Variants in PTPRM observed in about 807,000 individuals in gnomAD.
The protein encoded by PTPRM is receptor-type tyrosine-protein phosphatase mu.
PTPRM carries 47 observed loss-of-function variants against 186.7 expected under a neutral mutation model. The ratio of observed to expected loss-of-function variants is 0.25; its 90% confidence interval spans 0.20 to 0.32. The LOEUF is 0.32. Ranked by LOEUF, PTPRM falls within the 10% of genes least tolerant of loss-of-function variation. PTPRM has a pLI of 1.00. For missense variants in PTPRM, 1,494 were observed against 1,865.0 expected, an observed-to-expected ratio of 0.80 and a Z score of 3.66; for synonymous variants, 668 against 674.9, an observed-to-expected ratio of 0.99 and a Z score of 0.16.
intron 32 of PTPRM, 45 bp downstream of exon 32, chr18:8,394,656 A>G (rs1213782378): frequency 1.3e-6 from 2 of 1,513,620 alleles, no homozygotes; most frequent in Non-Finnish European, 1.8e-6. Flanking sequence ...CCCCATTAGC[A>G]TTAGAATCCA....
At chr18:7,658,356 A>ATATG (rs2038903407) in intron 1 of PTPRM, among the ~76,000 whole-genome samples, 1 of 143,412 alleles carries the variant, frequency 7.0e-6, no homozygotes, top group African/African-American at 2.7e-5. Flanking sequence ...ATATATATAT[A>ATATG]TATACATACA....
intron 31 of PTPRM, among the ~76,000 whole-genome samples, chr18:8,393,174 G>A (rs1179953443): frequency 6.6e-6 from 1 of 152,188 alleles, no homozygotes; most frequent in Non-Finnish European, 1.5e-5. Context: ...ATCTTAACAA[G>A]TGAGCAAGTT....
chr18:7,878,870 T>G (rs991927204), intron 2 of PTPRM, among the ~76,000 whole-genome samples: 2 of 152,192 alleles, frequency 1.3e-5, no homozygotes, highest in Non-Finnish European at 2.9e-5. Context: ...TCTAAAGATG[T>G]CAATCAATGA....
At chr18:8,170,644 G>A (rs906511179) in intron 14 of PTPRM, among the ~76,000 whole-genome samples, 2 of 152,124 alleles carry the variant, frequency 1.3e-5, no homozygotes, top group African/African-American at 4.8e-5. Context: ...ATGGCCTGGG[G>A]AAGGAGGAGA....
intron 21 of PTPRM, among the ~76,000 whole-genome samples, chr18:8,317,893 G>A (rs1039370459): frequency 6.6e-6 from 1 of 152,180 alleles, no homozygotes; most frequent in African/African-American, 2.4e-5. Flanking sequence ...GTCAAGCAAG[G>A]TTGTTGCCCT....
intron 7 of PTPRM, among the ~76,000 whole-genome samples, chr18:8,060,896 T>C (rs2088440426): frequency 1.8e-5 from 1 of 55,854 alleles, no homozygotes; most frequent in Non-Finnish European, 3.6e-5. Context: ...AATTTTGGAA[T>C]AGGTGTGGTG....
intron 1 of PTPRM, among the ~76,000 whole-genome samples, chr18:7,607,733 C>A (rs1356629065): frequency 6.6e-6 from 1 of 152,206 alleles, no homozygotes; most frequent in Non-Finnish European, 1.5e-5. Context: ...GCTAAGATGT[C>A]ACTTTCCTAA....
At chr18:7,869,953 TG>T (rs1200156627) in intron 2 of PTPRM, among the ~76,000 whole-genome samples, 1 of 152,192 alleles carries the variant, frequency 6.6e-6, no homozygotes, top group Non-Finnish European at 1.5e-5. Context: ...TTGGGCCATA[TG>T]CAAGTTAATC....
intron 22 of PTPRM, among the ~76,000 whole-genome samples, chr18:8,340,204 C>T (rs912902705): frequency 2.0e-5 from 3 of 152,130 alleles, no homozygotes; most frequent in Admixed American, 6.5e-5. Context: ...CAGGAGAAAG[C>T]GAGGCCAGCT....
chr18:8,021,315 GAGACACACACACACAC>G (rs1420109210), intron 7 of PTPRM, among the ~76,000 whole-genome samples: 1 of 99,134 alleles, frequency 1.0e-5, no homozygotes, highest in African/African-American at 4.3e-5. Context: ...AAGCATAAAA[GAGACACACACACACAC>G]ACACACACAC....
intron 7 of PTPRM, among the ~76,000 whole-genome samples, chr18:8,050,794 T>C (rs1600262611): frequency 6.6e-6 from 1 of 152,248 alleles, no homozygotes; most frequent in South Asian, 2.1e-4. Flanking sequence ...TGCACAGAGG[T>C]ACAATGTGGG....
chr18:8,053,387 T>G (rs1446431523), intron 7 of PTPRM, among the ~76,000 whole-genome samples: 1 of 152,166 alleles, frequency 6.6e-6, no homozygotes, highest in Non-Finnish European at 1.5e-5. Context: ...GTGCTTCTAA[T>G]TGAGTCAGAA....
chr18:7,889,333 CTTT>C (rs770886704), intron 3 of PTPRM, among the ~76,000 whole-genome samples: 352 of 119,812 alleles, frequency 2.9e-3, no homozygotes, highest in Middle Eastern at 9.7e-3. Context: ...TCTTTTCTTT[CTTT>C]TTTTTTTTTT....
In PTPRM at chr18:7,949,341, A is replaced by C. The variant is rs756415485; in HGVS notation, c.824A>C (p.Glu275Ala). ...GGTGTTGGAATATCAAACTATGCAG[A>C]GTTGGTAGTTAAAGGTATTTAATGT... The part of the protein sequence containing the change: ...EGGVGISNYA[E>A]LVVKEPPVPI... Residue 275 changes from glutamate to alanine, a missense_variant, in exon 6 of 33, where the codon GAG (glutamate) becomes GCG (alanine). By Grantham distance (107) the Glu-to-Ala change is moderately radical (BLOSUM62 -1). This residue lies in a region of PTPRM where 296 missense variants were observed against 345.5 expected (regional missense o/e 0.86). Transcript: ENST00000580170. The C allele has an allele frequency of 8.7e-6, 14 of 1,612,888 alleles. No homozygotes were observed. The East Asian group carries it at 3.1e-4, about 36-fold the overall frequency.
At chr18:8,029,442 C>G (rs1435143479) in intron 7 of PTPRM, among the ~76,000 whole-genome samples, 2 of 152,042 alleles carry the variant, frequency 1.3e-5, no homozygotes, top group African/African-American at 2.4e-5. Flanking sequence ...TCCCCCACAC[C>G]TGTCCTGCCT....
chr18:7,702,436 G>A (rs1037597058), intron 1 of PTPRM, among the ~76,000 whole-genome samples: 1 of 152,150 alleles, frequency 6.6e-6, no homozygotes, highest in African/African-American at 2.4e-5. Flanking sequence ...TTTCTCTAAT[G>A]ACCAGTGATG....
chr18:8,387,348 T>C, intron 31 of PTPRM, 113 bp downstream of exon 31: 1 of 1,116,994 alleles, frequency 9.0e-7, no homozygotes, highest in Non-Finnish European at 1.3e-6. Flanking sequence ...TAAGTAGGTC[T>C]AGGTGAAGGG....
rs555160842 is a variant in PTPRM at position 7,679,417 on chromosome 18, C to T, written c.74-94732C>T. ...CAGTGGCTTACACCTGCAATCCCAG[C>T]ACTTTGGGAGGCCGAGGCAAGTGGA... On this transcript the variant is annotated intron_variant, in intron 1 of 32. Coordinates refer to ENST00000580170, the MANE Select transcript of PTPRM (RefSeq NM_001105244.2). 6.6e-5 allele frequency among the ~76,000 whole-genome samples: 10 copies of T among 152,104 alleles called. No homozygotes were observed. The East Asian group carries it at 1.9e-3, about 30-fold the overall frequency.
intron 22 of PTPRM, among the ~76,000 whole-genome samples, chr18:8,320,948 C>T (rs2095341986): frequency 6.6e-6 from 1 of 152,152 alleles, no homozygotes; most frequent in Admixed American, 6.6e-5. Flanking sequence ...GGAAGCAAGG[C>T]TCAGCTTGAG....
Sources: gnomAD v4.1 joint callset for allele counts (sites outside exome capture counted in the v4.1 genomes callset) on GRCh38, gnomAD v4.1.1 for gene constraint, gnomAD v4.1.1 regional missense constraint, MANE v1.5 for transcripts, NCBI Gene and HGNC (gene_info 2026-07-23, HGNC 2026-07-21) for gene names.